Variants in HMCN1 observed in about 807,000 individuals in gnomAD.
HMCN1 encodes the protein hemicentin-1.
A neutral mutation model predicts 625.9 loss-of-function variants in HMCN1; 321 were observed. The observed-to-expected ratio is 0.51, with a 90% CI of 0.47 to 0.56. The LOEUF (loss-of-function observed/expected upper bound fraction) is 0.56. Ranked by LOEUF, HMCN1 falls within the 20% of genes least tolerant of loss-of-function variation. The probability of loss-of-function intolerance (pLI) is 0.00; values close to 1 mark genes in which losing one functional copy is unlikely to be tolerated. For missense variants in HMCN1, 6,588 were observed against 6,887.3 expected (o/e 0.96, Z 1.54); for synonymous variants, 2,425 against 2,417.6 (o/e 1.00, Z -0.09).
intron 4 of HMCN1, among the ~76,000 whole-genome samples, chr1:185,882,576 G>A (rs1439709395): frequency 6.6e-6 from 1 of 151,590 alleles, no homozygotes; most frequent in Non-Finnish European, 1.5e-5. Flanking sequence ...GAAATTGTTT[G>A]GAATTCATTT....
intron 68 of HMCN1, among the ~76,000 whole-genome samples, chr1:186,100,066 G>C (rs911055807): frequency 6.6e-6 from 1 of 152,032 alleles, no homozygotes; most frequent in Non-Finnish European, 1.5e-5. Flanking sequence ...GGCAGGGGGA[G>C]GGGGAGAGCG....
At position 186,142,663 on chromosome 1, in the gene HMCN1, A is replaced by G. The variant is rs1004982293; in HGVS notation, c.13925-1510A>G. Among the ~76,000 whole-genome samples, 13 of 152,282 alleles carry G rather than the reference A, an allele frequency of 8.5e-5. No homozygotes were observed. The East Asian group carries it at 2.5e-3, about 29-fold the overall frequency. The stretch of plus-strand genomic sequence containing the variant: ...TTCTTGCTATCATTCCATTCTTATA[A>G]AAGAAACACTTGAACTCTACAACAT... On this transcript the variant is annotated intron_variant, in intron 89 of 106. Transcript: ENST00000271588.
chr1:185,859,079 TAA>T (rs1662701973), intron 2 of HMCN1, among the ~76,000 whole-genome samples: 1 of 147,544 alleles, frequency 6.8e-6, no homozygotes, highest in Non-Finnish European at 1.5e-5. Context: ...ACATATATGA[TAA>T]AGTTTGATAT....
intron 97 of HMCN1, among the ~76,000 whole-genome samples, chr1:186,161,395 T>A (rs1186325957): frequency 1.3e-5 from 2 of 152,224 alleles, no homozygotes; most frequent in African/African-American, 4.8e-5. Flanking sequence ...CTGTGTCTTT[T>A]AATTGGAGCA....
chr1:185,846,374 T>C (rs1423157771), intron 2 of HMCN1, among the ~76,000 whole-genome samples: 1 of 152,188 alleles, frequency 6.6e-6, no homozygotes, highest in Non-Finnish European at 1.5e-5. Flanking sequence ...TTGGTCCCTT[T>C]AAGGAAAAAG....
Position 186,016,882 on chromosome 1 carries a change from G to T in HMCN1, c.5192-81G>T, listed in dbSNP as rs1218544513. 7.4e-6 allele frequency: 6 copies of T among 805,844 alleles called. No individual in the cohort carries two copies. The East Asian group carries it at 1.5e-4, about 20-fold the overall frequency. 49.9% of individuals were successfully genotyped at this position (805,844 alleles called of 1,614,324 possible). A position where few individuals can be genotyped will look rare whatever the true frequency, so the allele number is the denominator to read the frequency against. On this transcript the variant is annotated intron_variant, in intron 32 of 106. Transcript: ENST00000271588. ...ATGATACCTATCAATCTTCTGAACT[G>T]CTATGTATTATTGCTTCATATGATG... is the stretch of plus-strand genomic sequence containing the variant.
chr1:186,067,638 A>T (rs1658211352), intron 49 of HMCN1, among the ~76,000 whole-genome samples, 196 bp from the exon 50 acceptor site: 1 of 151,908 alleles, frequency 6.6e-6, no homozygotes, highest in Admixed American at 6.6e-5. Flanking sequence ...GTTCCTTTTT[A>T]TGTGTCATCT....
intron 11 of HMCN1, among the ~76,000 whole-genome samples, chr1:185,949,264 A>G (rs1302873892): frequency 6.6e-6 from 1 of 151,782 alleles, no homozygotes; most frequent in East Asian, 1.9e-4. Context: ...AACGGTGAAT[A>G]TGAGTATGAC....
intron 86 of HMCN1, among the ~76,000 whole-genome samples, chr1:186,133,354 C>G (rs1662047081): frequency 6.6e-6 from 1 of 152,194 alleles, no homozygotes; most frequent in African/African-American, 2.4e-5. Context: ...CTCAAAAGTG[C>G]TCCAGCTTGA....
Position 186,088,231 on chromosome 1 carries a change from A to T in HMCN1, c.9532A>T (p.Ile3178Phe). 1 of 1,612,978 alleles carries T rather than the reference A, an allele frequency of 6.2e-7. No individual in the cohort carries two copies. The highest frequency in any genetic ancestry group is 8.5e-7 in the Non-Finnish European group (1 of 1,179,360). Residue 3178 changes from isoleucine (I) to phenylalanine (F), a missense_variant, in exon 62 of 107, where the codon ATC becomes TTC. Around this residue, in one of 3 missense-constraint regions of HMCN1, gnomAD observed 4,628 missense variants for 4,853.1 expected, o/e 0.95. Transcript: ENST00000271588. ...GACATTAACATGTGATGCCACTGGG[A>T]TCCCACCTCCCACGATAGCATGGTT... ...PVTLTCDATGIPPPTIAWLKN... is the reference protein window; with the variant it reads ...PVTLTCDATGFPPPTIAWLKN...
chr1:185,859,160 G>GTT (rs1491031149), intron 2 of HMCN1, among the ~76,000 whole-genome samples: 1 of 146,530 alleles, frequency 6.8e-6, no homozygotes, highest in African/African-American at 2.5e-5. Context: ...GTGTGTGTGT[G>GTT]TATAAGCAAA....
chr1:186,187,996 G>A lies in HMCN1; in HGVS notation c.16528G>A (p.Asp5510Asn), dbSNP rs1430761115. 1 of 1,613,666 alleles carries A rather than the reference G, an allele frequency of 6.2e-7. No homozygotes were observed. Among genetic ancestry groups the A allele is most frequent in the African/African-American group, 1.3e-5 (1 of 74,862 alleles). ...DTPCPPNYQR[D>N]PVSGFCLKNC... ...ACCCTGTCCACCCAACTACCAACGGGATCCTGTTTCAGGGTATGTCTTGCC... is the reference window on the plus strand; with the variant it reads ...ACCCTGTCCACCCAACTACCAACGGAATCCTGTTTCAGGGTATGTCTTGCC... Residue 5510 changes from aspartate (D) to asparagine (N), a missense_variant, in exon 106 of 107, where the codon GAT becomes AAT. Physicochemically the swap from Asp to Asn is conservative, Grantham distance 23. Coordinates refer to ENST00000271588, the MANE Select transcript of HMCN1 (RefSeq NM_031935.3).
chr1:185,911,173 C>G (rs1666399637), intron 5 of HMCN1, among the ~76,000 whole-genome samples: 1 of 152,100 alleles, frequency 6.6e-6, no homozygotes, highest in South Asian at 2.1e-4. Context: ...TTTGAGTGCT[C>G]TCTAGAACGA....
chr1:185,869,644 A>G lies in HMCN1; in HGVS notation c.621+3781A>G, dbSNP rs201474059. Among the ~76,000 whole-genome samples, 39 of 152,308 alleles carry G rather than the reference A, an allele frequency of 2.6e-4. No homozygotes were observed. In the East Asian group the frequency reaches 7.5e-3, roughly 29 times the overall value. On this transcript the variant is annotated intron_variant, in intron 4 of 106. Transcript: ENST00000271588. ...ACAAGTCAATATATTCCTTAAAGAA[A>G]GCTACCACCACAGAAGATTTTATTA...
At chr1:186,090,453 G>A (rs1242230099) in intron 63 of HMCN1, among the ~76,000 whole-genome samples, 1 of 151,898 alleles carries the variant, frequency 6.6e-6, no homozygotes, top group African/African-American at 2.4e-5. Flanking sequence ...TTCTTTAACT[G>A]TACTATCCAT....
At chr1:185,971,050 T>C (rs1291292016) in intron 15 of HMCN1, among the ~76,000 whole-genome samples, 1 of 152,158 alleles carries the variant, frequency 6.6e-6, no homozygotes, top group Non-Finnish European at 1.5e-5. Context: ...CTGAGGCTTA[T>C]AAAGGCTAAG....
chr1:185,903,456 T>G (rs974351885), intron 4 of HMCN1, among the ~76,000 whole-genome samples: 94 of 144,174 alleles, frequency 6.5e-4, no homozygotes, highest in African/African-American at 2.5e-3. Flanking sequence ...AGAAAGTCTG[T>G]TTTTTTTTTA....
chr1:186,123,772 G>A (rs1661512245), intron 81 of HMCN1, among the ~76,000 whole-genome samples: 1 of 152,064 alleles, frequency 6.6e-6, no homozygotes. Context: ...ACTAAGGATA[G>A]AATCCACGTT....
At chr1:185,778,898 C>T (rs1656830134) in intron 1 of HMCN1, among the ~76,000 whole-genome samples, 1 of 152,136 alleles carries the variant, frequency 6.6e-6, no homozygotes, top group Non-Finnish European at 1.5e-5. Flanking sequence ...ATTTCTAGTT[C>T]TAGATCCTTG....
Sources: allele counts gnomAD v4.1 joint callset (sites outside exome capture counted in the v4.1 genomes callset), GRCh38; gene constraint gnomAD v4.1.1; regional missense constraint gnomAD v4.1.1; transcripts MANE v1.5; gene names NCBI Gene and HGNC (gene_info 2026-07-23, HGNC 2026-07-21).